Variants in ZNF367 observed in about 807,000 individuals in gnomAD.
ZNF367 encodes zinc finger protein 367.
In ZNF367, 11 loss-of-function variants were observed where a neutral mutation model predicts 31.8. The ratio of observed to expected loss-of-function variants is 0.35; its 90% CI spans 0.22 to 0.57. The LOEUF (loss-of-function observed/expected upper bound fraction) is 0.57, where lower values mean the gene tolerates loss of function less well. Among genes scored for constraint, ZNF367 ranks in the 20% least tolerant of loss-of-function variants. ZNF367 has a pLI of 0.85. For missense variants in ZNF367, 353 were observed against 484.1 expected (o/e 0.73, Z 2.54); for synonymous variants, 199 against 202.4 (o/e 0.98, Z 0.14).
intron 3 of ZNF367, among the ~76,000 whole-genome samples, chr9:96,394,059 A>G (rs1318292219): frequency 6.6e-6 from 1 of 152,234 alleles, no homozygotes; most frequent in Non-Finnish European, 1.5e-5. Flanking sequence ...ACTTAGGATA[A>G]TATGCTTACT....
intron 1 of ZNF367, among the ~76,000 whole-genome samples, chr9:96,403,263 C>A (rs565971832): frequency 6.6e-6 from 1 of 152,252 alleles, no homozygotes; most frequent in South Asian, 2.1e-4. Flanking sequence ...CCCCCGTGCC[C>A]AGCCCAACAC....
chr9:96,396,407 T>G (rs1831530670), intron 2 of ZNF367, among the ~76,000 whole-genome samples: 1 of 152,220 alleles, frequency 6.6e-6, no homozygotes, highest in Non-Finnish European at 1.5e-5. Flanking sequence ...TAGTTTATAA[T>G]GATTTAAAAT....
intron 1 of ZNF367, among the ~76,000 whole-genome samples, chr9:96,403,110 T>C (rs1304343564): frequency 6.6e-6 from 1 of 152,066 alleles, no homozygotes; most frequent in African/African-American, 2.4e-5. Context: ...GCTGGGACTA[T>C]AGGTGTGTGC....
In ZNF367 at chr9:96,417,549, G is replaced by A; in HGVS notation, c.420+64C>T. 1 of 319,796 alleles carries A rather than the reference G, an allele frequency of 3.1e-6. No homozygotes were observed. Among genetic ancestry groups the A allele is most frequent in the Non-Finnish European group, 5.6e-6 (1 of 178,800 alleles). 19.8% of individuals were successfully genotyped at this position (319,796 alleles called of 1,614,324 possible). ...TCGCGTTTTCAACTCCGCCCCGCCC[G>A]CCGCACCGTTAACGGGCCCCGGCTG... is the stretch of plus-strand genomic sequence containing the variant. On this transcript the variant is annotated intron_variant, in intron 1 of 4. Coordinates refer to ENST00000375256, the MANE Select transcript of ZNF367 (RefSeq NM_153695.4). The surrounding 1 kb of genome is among the most constrained non-coding windows in gnomAD (Gnocchi z 5.0).
At chr9:96,401,180 C>A (rs533322086) in intron 1 of ZNF367, among the ~76,000 whole-genome samples, 5 of 151,866 alleles carry the variant, frequency 3.3e-5, no homozygotes, top group African/African-American at 1.2e-4. Flanking sequence ...GAGCCATGAT[C>A]GCGCCACTGG....
chr9:96,388,120 A>G lies in ZNF367; in HGVS notation c.*117T>C, dbSNP rs753774082. 3.6e-5 allele frequency: 36 copies of G among 994,200 alleles called. No individual in the cohort carries two copies. Among genetic ancestry groups the G allele is most frequent in the Middle Eastern group, 3.3e-4 (1 of 3,004 alleles). 61.6% of individuals were successfully genotyped at this position (994,200 alleles called of 1,614,324 possible). ...TCTGGGGCAATAACATTCTTCATAA[A>G]TTTCTACAGAATAGCAGCCTATGAT... is the stretch of plus-strand genomic sequence containing the variant. On this transcript the variant is annotated 3_prime_UTR_variant, in exon 5 of 5. Coordinates refer to ENST00000375256, the MANE Select transcript of ZNF367 (RefSeq NM_153695.4).
At chr9:96,407,938 G>T in intron 1 of ZNF367, 1 of 303,062 alleles carries the variant, frequency 3.3e-6, no homozygotes. Flanking sequence ...TTAAAATATT[G>T]GCAAATAGCC....
rs1831848353 is a variant in ZNF367, at chr9:96,417,517, A to T, written c.420+96T>A. 1 of 253,686 alleles carries T rather than the reference A, an allele frequency of 3.9e-6. No individual in the cohort carries two copies. Among genetic ancestry groups the T allele is most frequent in the Middle Eastern group, 1.3e-3 (1 of 766 alleles). The allele number at this position is 253,686 out of a possible 1,614,324, so 15.7% of individuals were successfully genotyped here. ...CAGCCGCAGCCCCCGCCGTAGCCGG[A>T]TCGACCTCGCGTTTTCAACTCCGCC... On this transcript the variant is annotated intron_variant, in intron 1 of 4. Coordinates refer to ENST00000375256, the MANE Select transcript of ZNF367 (RefSeq NM_153695.4). This position sits in a 1 kb window ranked among gnomAD's most constrained non-coding sequence, Gnocchi z 5.0.
intron 4 of ZNF367, among the ~76,000 whole-genome samples, 189 bp from the exon 5 acceptor site, chr9:96,388,648 T>C (rs1831433001): frequency 6.6e-6 from 1 of 152,230 alleles, no homozygotes; most frequent in Non-Finnish European, 1.5e-5. Context: ...TTAAGAGACG[T>C]GCTCAGGTTT....
At chr9:96,405,034 A>C (rs993171793) in intron 1 of ZNF367, among the ~76,000 whole-genome samples, 6 of 152,198 alleles carry the variant, frequency 3.9e-5, no homozygotes, top group African/African-American at 1.4e-4. Context: ...AAAGATGCTG[A>C]AAATCAGCCA....
chr9:96,410,572 A>C (rs556846968), intron 1 of ZNF367, among the ~76,000 whole-genome samples: 11 of 146,098 alleles, frequency 7.5e-5, no homozygotes, highest in Admixed American at 2.7e-4. Context: ...AAAAAAAAAA[A>C]AAAAAAACAA....
intron 1 of ZNF367, among the ~76,000 whole-genome samples, chr9:96,407,001 CAAAAAAAAAAA>C (rs71368256): frequency 8.4e-5 from 3 of 35,874 alleles, no homozygotes; most frequent in African/African-American, 2.1e-4. Flanking sequence ...GACTCCATCT[CAAAAAAAAAAA>C]AAAAAAAAAA....
chr9:96,409,034 C>T (rs1831707746), intron 1 of ZNF367, among the ~76,000 whole-genome samples: 1 of 152,000 alleles, frequency 6.6e-6, no homozygotes, highest in Non-Finnish European at 1.5e-5. Flanking sequence ...ACGCTGTGCT[C>T]GCTCATATTG....
At chr9:96,412,697 C>CT (rs71368258) in intron 1 of ZNF367, among the ~76,000 whole-genome samples, 29,923 of 133,656 alleles carry the variant, frequency 0.22, 4,044 homozygotes, top group African/African-American at 0.38. Context: ...TTTTTCTTTT[C>CT]TTTTTTTTTT....
intron 1 of ZNF367, among the ~76,000 whole-genome samples, chr9:96,398,536 C>A (rs1282591406): frequency 6.6e-6 from 1 of 152,024 alleles, no homozygotes; most frequent in Non-Finnish European, 1.5e-5. Flanking sequence ...AAAAACAAAG[C>A]AAAAGCCTTT....
chr9:96,413,208 T>A (rs1831774590), intron 1 of ZNF367, among the ~76,000 whole-genome samples: 1 of 152,076 alleles, frequency 6.6e-6, no homozygotes, highest in African/African-American at 2.4e-5. Context: ...TCATTCCTCA[T>A]CAGGTAAACA....
chr9:96,418,093 CCTCA>C lies in ZNF367; in HGVS notation c.-65_-62del. Reference sequence around the variant, plus strand: ...CCGCACTCCTGAGCACCGCTCTGCCCCTCACTCGCTCTGCTCCGAGTCGCAGGCT... The same window carrying C: ...CCGCACTCCTGAGCACCGCTCTGCCCCTCGCTCTGCTCCGAGTCGCAGGCT... On this transcript the variant is annotated 5_prime_UTR_variant, in exon 1 of 5. Coordinates refer to ENST00000375256, the MANE Select transcript of ZNF367 (RefSeq NM_153695.4). 1 of 1,314,436 alleles carries C rather than the reference CCTCA, an allele frequency of 7.6e-7. No individual in the cohort carries two copies. The highest frequency in any genetic ancestry group is 9.7e-7 in the Non-Finnish European group (1 of 1,032,954). 81.4% of individuals were successfully genotyped at this position (1,314,436 alleles called of 1,614,324 possible).
At position 96,388,490 on chromosome 9, in the gene ZNF367, G is replaced by A. The variant is rs759925100; in HGVS notation, c.831-31C>T. On this transcript the variant is annotated intron_variant, in intron 4 of 4. Transcript: ENST00000375256. ...TGAAATGCAGCAACATTAGTTACAT[G>A]GCAGACATGAAATTTCCAAATGTTT... 7 of 1,569,396 alleles carry A rather than the reference G, an allele frequency of 4.5e-6. No homozygotes were observed. The African/African-American group carries it at 8.2e-5, about 18-fold the overall frequency.
chr9:96,417,338 C>G lies in ZNF367; in HGVS notation c.420+275G>C, dbSNP rs960944512. On this transcript the variant is annotated intron_variant, in intron 1 of 4. Coordinates refer to ENST00000375256, the MANE Select transcript of ZNF367 (RefSeq NM_153695.4). The surrounding 1 kb of genome is among the most constrained non-coding windows in gnomAD (Gnocchi z 5.0). ...AGCCCGCCGGGAGGATGTCAGTGGC[C>G]GTTGACCCGGCCTCCCCAGCGACCC... Among the ~76,000 whole-genome samples, 28 of 152,218 alleles carry G rather than the reference C, an allele frequency of 1.8e-4. No individual in the cohort carries two copies. The highest frequency in any genetic ancestry group is 6.5e-4 in the African/African-American group (27 of 41,552).
Sources: gnomAD v4.1 joint callset for allele counts (sites outside exome capture counted in the v4.1 genomes callset) on GRCh38, gnomAD v4.1.1 for gene constraint, Gnocchi (gnomAD v3.1) non-coding constraint, MANE v1.5 for transcripts, NCBI Gene and HGNC (gene_info 2026-07-23, HGNC 2026-07-21) for gene names.